GINS2: variants seen among roughly 807,000 people sequenced by gnomAD.
GINS2 encodes GINS complex subunit 2, also known as DNA replication complex GINS protein PSF2.
A neutral mutation model predicts 21.2 loss-of-function variants in GINS2; 23 were observed. That is an observed-to-expected ratio of 1.08 (90% CI 0.78 to 1.53). The LOEUF (loss-of-function observed/expected upper bound fraction) is 1.53, where lower values mean the gene tolerates loss of function less well. GINS2 is among the 40% of genes most tolerant of loss of function. The pLI, the probability that GINS2 is intolerant of heterozygous loss-of-function variation, is 0.00. For missense variants in GINS2, 323 were observed against 233.9 expected, an observed-to-expected ratio of 1.38 and a Z score of -2.49; for synonymous variants, 118 against 85.6, an observed-to-expected ratio of 1.38 and a Z score of -2.09.
At chr16:85,678,741 T>A in intron 3 of GINS2, 75 bp from the exon 4 acceptor site, 1 of 1,399,816 alleles carries the variant, frequency 7.1e-7, no homozygotes, top group Non-Finnish European at 9.9e-7. Flanking sequence ...GTGGCTCTTT[T>A]CAGGCAAAAT....
rs539736311 is a variant in GINS2 at position 85,678,949 on chromosome 16, G to A, written c.306-283C>T. ...TTAGTAGAGAATCAGCTCTAAGTCAGAAGCCTCTGTCTCAGGATAACAGCA... is the reference window on the plus strand; with the variant it reads ...TTAGTAGAGAATCAGCTCTAAGTCAAAAGCCTCTGTCTCAGGATAACAGCA... On this transcript the variant is annotated intron_variant, in intron 3 of 4. Coordinates refer to ENST00000253462, the MANE Select transcript of GINS2 (RefSeq NM_016095.3). Among the ~76,000 whole-genome samples, 20 of 152,350 alleles carry A rather than the reference G, an allele frequency of 1.3e-4. No homozygotes were observed. In the East Asian group the frequency reaches 3.5e-3, roughly 26 times the overall value.
In GINS2 at chr16:85,687,594, TC is replaced by T. The variant is rs35840287; in HGVS notation, c.91-21del. On this transcript the variant is annotated intron_variant, in intron 1 of 4. Transcript: ENST00000253462. ...GTCCCCCTGCCAAAAGTAAAACAAT[TC>T]CCCGTAAGATTGAAAAAGAACAAAA... 1 of 1,395,380 alleles carries T rather than the reference TC, an allele frequency of 7.2e-7. No homozygotes were observed. Among genetic ancestry groups the T allele is most frequent in the South Asian group, 1.3e-5 (1 of 74,950 alleles). The allele number at this position is 1,395,380 out of a possible 1,614,324, so 86.4% of individuals were successfully genotyped here.
rs1037298832 is a variant in GINS2, at chr16:85,676,807, A to G, written c.*1405T>C. 1 of 152,164 alleles carries G rather than the reference A, an allele frequency of 6.6e-6. No homozygotes were observed. The highest frequency in any genetic ancestry group is 1.5e-5 in the Non-Finnish European group (1 of 68,016). The allele number at this position is 152,164 out of a possible 1,614,324, so 9.4% of individuals were successfully genotyped here. ...GAGTTCGAGGCTGCAGTGAGCTATA[A>G]TCACGCCACTCTACTGCAGCCTGGA... On this transcript the variant is annotated 3_prime_UTR_variant, in exon 5 of 5. Coordinates refer to ENST00000253462, the MANE Select transcript of GINS2 (RefSeq NM_016095.3).
rs2053787204 is a variant in GINS2, at chr16:85,687,464, A to C, written c.201T>G (p.Asp67Glu). ...CAGTCTCCACCACATCCTTACCTACATCCATCCACTCTGGAGGGAGCAGGC... is the reference window on the plus strand; with the variant it reads ...CAGTCTCCACCACATCCTTACCTACCTCCATCCACTCTGGAGGGAGCAGGC... ...KCRLLPPEWMDVEKLEKMRDH... is the reference protein window; with the variant it reads ...KCRLLPPEWMEVEKLEKMRDH... Residue 67 changes from aspartate (D) to glutamate (E), a missense_variant, in exon 2 of 5, where the codon GAT (aspartate) becomes GAG (glutamate). Transcript: ENST00000253462. 1.3e-6 allele frequency: 2 copies of C among 1,529,534 alleles called. No homozygotes were observed. Among genetic ancestry groups the C allele is most frequent in the South Asian group, 2.5e-5 (2 of 79,422 alleles). 94.7% of individuals were successfully genotyped at this position (1,529,534 alleles called of 1,614,324 possible).
At chr16:85,684,279 AG>A (rs1444030693) in intron 2 of GINS2, among the ~76,000 whole-genome samples, 10 of 152,032 alleles carry the variant, frequency 6.6e-5, no homozygotes, top group African/African-American at 2.4e-4. Context: ...GGTTGCAGTG[AG>A]CCATGATCAC....
At position 85,676,460 on chromosome 16, in the gene GINS2, G is replaced by A. The variant is rs1003617545; in HGVS notation, c.*1752C>T. The A allele has an allele frequency of 1.3e-5, 2 of 152,208 alleles. No individual in the cohort carries two copies. Among genetic ancestry groups the A allele is most frequent in the Middle Eastern group, 3.2e-3 (1 of 316 alleles). The allele number at this position is 152,208 out of a possible 1,614,324, so 9.4% of individuals were successfully genotyped here. On this transcript the variant is annotated 3_prime_UTR_variant, in exon 5 of 5. Coordinates refer to ENST00000253462, the MANE Select transcript of GINS2 (RefSeq NM_016095.3). ...AAGTCTGAACAGCACCTTAAATTAT[G>A]GAGACCTCATCTTTTGGTCCCAGTC...
At chr16:85,688,769 C>T in intron 1 of GINS2, 40 bp downstream of exon 1, 1 of 1,336,716 alleles carries the variant, frequency 7.5e-7, no homozygotes, top group Non-Finnish European at 1.0e-6. Flanking sequence ...CGGACGCGCC[C>T]AGCCCGGCCT....
intron 2 of GINS2, among the ~76,000 whole-genome samples, chr16:85,687,198 G>A (rs2053784506): frequency 6.6e-6 from 1 of 152,244 alleles, no homozygotes; most frequent in African/African-American, 2.4e-5. Flanking sequence ...TCCAGCCTGG[G>A]TGATGGAGTC....
chr16:85,678,695 G>C, intron 3 of GINS2, 29 bp from the exon 4 acceptor site: 1 of 1,606,202 alleles, frequency 6.2e-7, no homozygotes, highest in African/African-American at 1.3e-5. Context: ...AAGTCAGTCG[G>C]GGAACACTTG....
intron 3 of GINS2, 62 bp from the exon 4 acceptor site, chr16:85,678,728 A>G: frequency 2.0e-6 from 3 of 1,531,394 alleles, no homozygotes; most frequent in South Asian, 2.4e-5. Context: ...AATGCTGGAT[A>G]GAGTGGCTCT....
intron 3 of GINS2, among the ~76,000 whole-genome samples, 186 bp downstream of exon 3, chr16:85,681,396 C>T (rs1388616866): frequency 1.3e-5 from 2 of 152,214 alleles, no homozygotes; most frequent in African/African-American, 2.4e-5. Context: ...CAGAGACAGA[C>T]AGAGTGCACC....
chr16:85,680,294 A>G (rs1418516930), intron 3 of GINS2, among the ~76,000 whole-genome samples: 2 of 152,096 alleles, frequency 1.3e-5, no homozygotes, highest in Non-Finnish European at 2.9e-5. Flanking sequence ...TGTGTCCCCA[A>G]CTTTTCCTTT....
chr16:85,688,697 C>T (rs2053801428), intron 1 of GINS2, 112 bp downstream of exon 1: 2 of 490,648 alleles, frequency 4.1e-6, no homozygotes, highest in Non-Finnish European at 3.5e-6. Flanking sequence ...GAGTGGTGGC[C>T]TCCGCAGATG....
intron 2 of GINS2, among the ~76,000 whole-genome samples, chr16:85,684,020 A>G (rs1430091296): frequency 6.6e-6 from 1 of 152,222 alleles, no homozygotes. Context: ...TATCCATGAA[A>G]AGACGTGGAC....
chr16:85,688,908 A>T lies in GINS2; in HGVS notation c.-10T>A. The T allele has an allele frequency of 6.5e-7, 1 of 1,533,350 alleles. No individual in the cohort carries two copies. Among genetic ancestry groups the T allele is most frequent in the Non-Finnish European group, 8.8e-7 (1 of 1,136,674 alleles). The allele number at this position is 1,533,350 out of a possible 1,614,324, so 95.0% of individuals were successfully genotyped here. ...CCTCGGCAGCGTCCATGGCGGCGCG[A>T]GCTGCAGGCCAGAGCCTCACGGTCT... is the stretch of plus-strand genomic sequence containing the variant. On this transcript the variant is annotated 5_prime_UTR_variant, in exon 1 of 5. Transcript: ENST00000253462.
At chr16:85,682,370 CT>C (rs1192916437) in intron 2 of GINS2, among the ~76,000 whole-genome samples, 1 of 152,128 alleles carries the variant, frequency 6.6e-6, no homozygotes, top group Admixed American at 6.5e-5. Context: ...TTTATTTATA[CT>C]AAGCCTTGTT....
Position 85,688,907 on chromosome 16 carries a change from G to C in GINS2, c.-9C>G, listed in dbSNP as rs533844944. The C allele has an allele frequency of 2.6e-6, 4 of 1,533,090 alleles. No homozygotes were observed. In the African/African-American group the frequency reaches 4.2e-5, roughly 16 times the overall value. 95.0% of individuals were successfully genotyped at this position (1,533,090 alleles called of 1,614,324 possible). On this transcript the variant is annotated 5_prime_UTR_variant, in exon 1 of 5. Coordinates refer to ENST00000253462, the MANE Select transcript of GINS2 (RefSeq NM_016095.3). The stretch of plus-strand genomic sequence containing the variant: ...ACCTCGGCAGCGTCCATGGCGGCGC[G>C]AGCTGCAGGCCAGAGCCTCACGGTC...
At chr16:85,686,385 T>G (rs2053777808) in intron 2 of GINS2, among the ~76,000 whole-genome samples, 1 of 150,066 alleles carries the variant, frequency 6.7e-6, no homozygotes, top group South Asian at 2.1e-4. Context: ...ACCACTGCAC[T>G]CCAGCCTGGG....
rs992707075 is a variant in GINS2 at position 85,688,928 on chromosome 16, C to A, written c.-30G>T. 2 of 1,470,384 alleles carry A rather than the reference C, an allele frequency of 1.4e-6. No individual in the cohort carries two copies. Among genetic ancestry groups the A allele is most frequent in the East Asian group, 2.6e-5 (1 of 38,930 alleles). 91.1% of individuals were successfully genotyped at this position (1,470,384 alleles called of 1,614,324 possible). ...GCGCGAGCTGCAGGCCAGAGCCTCA[C>A]GGTCTCCTCGGGCCCCTCAGCGTCC... On this transcript the variant is annotated 5_prime_UTR_variant, in exon 1 of 5. Coordinates refer to ENST00000253462, the MANE Select transcript of GINS2 (RefSeq NM_016095.3).
Sources: allele counts gnomAD v4.1 joint callset (sites outside exome capture counted in the v4.1 genomes callset), GRCh38; gene constraint gnomAD v4.1.1; transcripts MANE v1.5; gene names NCBI Gene and HGNC (gene_info 2026-07-23, HGNC 2026-07-21).